ESYT2: variants seen among roughly 807,000 people sequenced by gnomAD.
The protein encoded by ESYT2 is extended synaptotagmin-2.
Under a neutral mutation model 107.2 loss-of-function variants are expected in ESYT2, and 54 were observed. The observed-to-expected ratio is 0.50, with a 90% CI of 0.40 to 0.63. The LOEUF (loss-of-function observed/expected upper bound fraction) is 0.63. ESYT2 is among the 30% of genes least tolerant of loss of function. ESYT2 has a pLI of 0.00. For synonymous variants in ESYT2, 491 were observed against 434.1 expected (o/e 1.13, Z -1.63); for missense variants, 1,020 against 1,094.5 (o/e 0.93, Z 0.96).
intron 11 of ESYT2, among the ~76,000 whole-genome samples, chr7:158,761,138 C>T (rs1378990147): frequency 1.3e-5 from 2 of 152,142 alleles, no homozygotes; most frequent in Non-Finnish European, 2.9e-5. Context: ...CTCCACCATT[C>T]CCTCCAAACA....
At chr7:158,805,173 C>T (rs1391410756) in intron 1 of ESYT2, among the ~76,000 whole-genome samples, 2 of 152,160 alleles carry the variant, frequency 1.3e-5, no homozygotes, top group Non-Finnish European at 2.9e-5. Flanking sequence ...TTGGTACCAA[C>T]ACAAATTTGT....
chr7:158,809,487 A>AAAAC (rs1563035309), intron 1 of ESYT2, among the ~76,000 whole-genome samples: 1 of 149,954 alleles, frequency 6.7e-6, no homozygotes, highest in African/African-American at 2.4e-5. Context: ...AAAAAAAAAA[A>AAAAC]AAAAAAAAAA....
At chr7:158,793,025 T>C (rs1237441917) in intron 4 of ESYT2, among the ~76,000 whole-genome samples, 2 of 151,942 alleles carry the variant, frequency 1.3e-5, no homozygotes, top group Non-Finnish European at 2.9e-5. Context: ...GCCTCGGCCT[T>C]CCAAATTGCT....
intron 1 of ESYT2, among the ~76,000 whole-genome samples, chr7:158,802,403 C>T (rs914689064): frequency 1.3e-5 from 2 of 152,182 alleles, no homozygotes; most frequent in African/African-American, 4.8e-5. Context: ...TCTCCTGCCT[C>T]TCGAGTAGCT....
chr7:158,829,343 C>A lies in ESYT2; in HGVS notation c.76G>T (p.Gly26Trp). 13 of 1,425,544 alleles carry A rather than the reference C, an allele frequency of 9.1e-6. No homozygotes were observed. The highest frequency in any genetic ancestry group is 1.2e-5 in the Non-Finnish European group (13 of 1,094,220). The allele number at this position is 1,425,544 out of a possible 1,614,324, so 88.3% of individuals were successfully genotyped here. A position where few individuals can be genotyped will look rare whatever the true frequency, so the allele number is the denominator to read the frequency against. The change falls in exon 1 of 23, where the codon GGG becomes TGG. Residue 26 changes from glycine to tryptophan, a missense_variant. Coordinates refer to ENST00000275418, the MANE Select transcript of ESYT2 (RefSeq NM_001367773.1). The part of the protein sequence containing the change: ...AGGRAAPENP[G>W]GVLSVELPGL... ...GGCAGCTCCACGCTCAGCACGCCCC[C>A]GGGGTTCTCAGGCGCCGCGCGGCCC...
intron 1 of ESYT2, among the ~76,000 whole-genome samples, chr7:158,804,561 T>G (rs2657315): frequency 8.6e-5 from 12 of 139,238 alleles, no homozygotes; most frequent in African/African-American, 3.4e-4. Context: ...GGGTGAGGCG[T>G]GTGATAAACC....
intron 11 of ESYT2, 81 bp downstream of exon 11, chr7:158,761,415 G>A (rs1837955470): frequency 1.7e-6 from 2 of 1,180,246 alleles, no homozygotes; most frequent in Non-Finnish European, 2.5e-6. Flanking sequence ...TGATGGTGAA[G>A]GGGTGGTTCG....
intron 3 of ESYT2, among the ~76,000 whole-genome samples, chr7:158,794,152 C>T (rs1180417714): frequency 6.6e-6 from 1 of 152,242 alleles, no homozygotes; most frequent in Admixed American, 6.5e-5. Context: ...ATGTTTGAAA[C>T]ATAACTTCCT....
intron 1 of ESYT2, among the ~76,000 whole-genome samples, chr7:158,805,302 G>C (rs891367287): frequency 1.3e-5 from 2 of 152,152 alleles, no homozygotes; most frequent in Admixed American, 6.5e-5. Context: ...AGTATTCATG[G>C]AAACTGAAAA....
Position 158,741,804 on chromosome 7 carries a change from TGTTTTC to T in ESYT2, c.1881_1886del (p.Lys628_Thr629del), listed in dbSNP as rs761349491. On this transcript the variant is annotated inframe_deletion, in exon 18 of 23. Transcript: ENST00000275418. ...ACCCAGACATATGAGATTTGATGGATGTTTTCCTCCCCTCTTTGGACACAGAGGGAC... is the reference window on the plus strand; with the variant it reads ...ACCCAGACATATGAGATTTGATGGATCTCCCCTCTTTGGACACAGAGGGAC... The T allele has an allele frequency of 1.9e-6, 3 of 1,614,078 alleles. No individual in the cohort carries two copies. The highest frequency in any genetic ancestry group is 2.5e-6 in the Non-Finnish European group (3 of 1,180,010).
Position 158,800,283 on chromosome 7 carries a change from G to A in ESYT2, c.331-1211C>T, listed in dbSNP as rs192128643. 6.7e-3 allele frequency among the ~76,000 whole-genome samples: 1,025 copies of A among 152,162 alleles called. 17 individuals are homozygous for A. Among genetic ancestry groups the A allele is most frequent in the African/African-American group, 0.024 (979 of 41,504 alleles). ...AGGATGGTCTCGATCTCTTGACCTC[G>A]TGATCCGCCTGCCTCTGCCTCCCAA... is the stretch of plus-strand genomic sequence containing the variant. On this transcript the variant is annotated intron_variant, in intron 1 of 22. Coordinates refer to ENST00000275418, the MANE Select transcript of ESYT2 (RefSeq NM_001367773.1).
At chr7:158,747,055 A>G (rs1837426933) in intron 16 of ESYT2, among the ~76,000 whole-genome samples, 1 of 151,764 alleles carries the variant, frequency 6.6e-6, no homozygotes, top group Non-Finnish European at 1.5e-5. Context: ...CTGTTCTCAA[A>G]AACAAAGAGG....
Position 158,735,554 on chromosome 7 carries a change from G to A in ESYT2, c.2454C>T (p.Ala818=), listed in dbSNP as rs376991119. 80 of 1,614,080 alleles carry A rather than the reference G, an allele frequency of 5.0e-5. No homozygotes were observed. Among genetic ancestry groups the A allele is most frequent in the South Asian group, 3.5e-4 (32 of 91,086 alleles). Residue 818 remains alanine (A), a synonymous_variant, in exon 21 of 23, where the codon GCC becomes GCT. Coordinates refer to ENST00000275418, the MANE Select transcript of ESYT2 (RefSeq NM_001367773.1). ...PEVQRRTLDV[A]VKNSGGFLSK... is the part of the protein sequence containing the mutation. ...ACAGGAAGCCGCCACTGTTCTTCACGGCAACGTCGAGCGTTCTCCTCTGCA... is the reference window on the plus strand; with the variant it reads ...ACAGGAAGCCGCCACTGTTCTTCACAGCAACGTCGAGCGTTCTCCTCTGCA...
intron 7 of ESYT2, among the ~76,000 whole-genome samples, chr7:158,771,303 C>G (rs1435448411): frequency 6.6e-6 from 1 of 152,206 alleles, no homozygotes; most frequent in Non-Finnish European, 1.5e-5. Context: ...AAATCAAATA[C>G]TTTTTTCTAC....
chr7:158,782,355 CGTGA>C (rs1251136720), intron 6 of ESYT2, among the ~76,000 whole-genome samples: 4 of 54,924 alleles, frequency 7.3e-5, no homozygotes, highest in Non-Finnish European at 1.2e-4. Context: ...AGTGTAAGAA[CGTGA>C]GTGAACGAGT....
chr7:158,827,080 T>C (rs932417108), intron 1 of ESYT2, among the ~76,000 whole-genome samples: 2 of 151,284 alleles, frequency 1.3e-5, no homozygotes, highest in Admixed American at 1.3e-4. Flanking sequence ...GGAGAATCTT[T>C]TGAACCCTGG....
chr7:158,788,052 T>G lies in ESYT2; in HGVS notation c.699A>C (p.Gly233=), dbSNP rs775482282. The part of the protein sequence containing the change: ...TMRVILEPLI[G]DMPLVGALSI... Reference sequence around the variant, plus strand: ...ACAAAGCTCCAACTAAGGGCATATCTCCAATCAACGGTTCCAGGATCACCC... The same window carrying G: ...ACAAAGCTCCAACTAAGGGCATATCGCCAATCAACGGTTCCAGGATCACCC... The change falls in exon 6 of 23, where the codon GGA becomes GGC. Residue 233 remains glycine, a synonymous_variant. Coordinates refer to ENST00000275418, the MANE Select transcript of ESYT2 (RefSeq NM_001367773.1). 55 of 1,614,010 alleles carry G rather than the reference T, an allele frequency of 3.4e-5. No individual in the cohort carries two copies. Among genetic ancestry groups the G allele is most frequent in the Non-Finnish European group, 4.7e-5 (55 of 1,179,990 alleles).
chr7:158,771,159 T>C (rs1270362414), intron 7 of ESYT2, among the ~76,000 whole-genome samples: 1 of 152,260 alleles, frequency 6.6e-6, no homozygotes, highest in Admixed American at 6.5e-5. Flanking sequence ...TTCCCCAAAC[T>C]GTAGGCTTGC....
At position 158,821,264 on chromosome 7, in the gene ESYT2, C is replaced by A. The variant is rs1412467774; in HGVS notation, c.330+7825G>T. Among the ~76,000 whole-genome samples, 4 of 152,218 alleles carry A rather than the reference C, an allele frequency of 2.6e-5. No individual in the cohort carries two copies. The South Asian group carries it at 6.2e-4, about 24-fold the overall frequency. On this transcript the variant is annotated intron_variant, in intron 1 of 22. Coordinates refer to ENST00000275418, the MANE Select transcript of ESYT2 (RefSeq NM_001367773.1). The stretch of plus-strand genomic sequence containing the variant: ...TGTAAGAACTATGCCCCACCCAATT[C>A]CAAAAGAACAGGAGGTGACTCAGTG...
Sources: gnomAD v4.1 joint callset for allele counts (sites outside exome capture counted in the v4.1 genomes callset) on GRCh38, gnomAD v4.1.1 for gene constraint, MANE v1.5 for transcripts, NCBI Gene and HGNC (gene_info 2026-07-23, HGNC 2026-07-21) for gene names.